Variants in ROBO2 observed in about 807,000 individuals in gnomAD.
The protein encoded by ROBO2 is roundabout homolog 2.
A neutral mutation model predicts 160.8 loss-of-function variants in ROBO2; 53 were observed. That is an observed-to-expected ratio of 0.33 (90% CI 0.26 to 0.41). ROBO2 has a LOEUF of 0.41. Ranked by LOEUF, ROBO2 falls within the 10% of genes least tolerant of loss-of-function variation. ROBO2 has a pLI of 1.00. For synonymous variants in ROBO2, 664 were observed against 611.7 expected (o/e 1.09, Z -1.26); for missense variants, 1,577 against 1,722.4 (o/e 0.92, Z 1.49).
At position 77,426,415 on chromosome 3, in the gene ROBO2, G is replaced by A. The variant is rs553427962; in HGVS notation, c.389-50999G>A. Among the ~76,000 whole-genome samples the A allele has an allele frequency of 1.2e-3, 181 of 152,162 alleles. 3 individuals carry two copies. Among genetic ancestry groups the A allele is most frequent in the African/African-American group, 4.2e-3 (173 of 41,498 alleles). On this transcript the variant is annotated intron_variant, in intron 2 of 25. Transcript: ENST00000461745. The stretch of plus-strand genomic sequence containing the variant: ...TCTGAATTGGAGATACCTGATTGTC[G>A]TGAAGGTTAAGATGCTTCAGAGTGT...
chr3:76,342,618 A>G (rs190929503), intron 2 of ROBO2, among the ~76,000 whole-genome samples: 13 of 152,242 alleles, frequency 8.5e-5, no homozygotes, highest in Non-Finnish European at 1.0e-4. Context: ...TTCAACCTGT[A>G]TATATCCTTA....
At chr3:76,100,360 A>T (rs189166647) in intron 2 of ROBO2, among the ~76,000 whole-genome samples, 1 of 152,206 alleles carries the variant, frequency 6.6e-6, no homozygotes, top group African/African-American at 2.4e-5. Flanking sequence ...ACCAATGTCT[A>T]TGTGGAACTA....
At chr3:76,008,724 A>G (rs2066103962) in intron 2 of ROBO2, among the ~76,000 whole-genome samples, 1 of 87,082 alleles carries the variant, frequency 1.1e-5, no homozygotes, top group African/African-American at 3.0e-5. Flanking sequence ...TTGTTAGTTT[A>G]GGGTAGAAGG....
At chr3:76,825,197 G>A (rs534514019) in intron 2 of ROBO2, among the ~76,000 whole-genome samples, 149 of 152,252 alleles carry the variant, frequency 9.8e-4, no homozygotes, top group African/African-American at 3.5e-3. Flanking sequence ...AGCTGGCAAA[G>A]GAGATGTGTT....
At chr3:76,661,342 T>A (rs1286995758) in intron 2 of ROBO2, among the ~76,000 whole-genome samples, 1 of 151,972 alleles carries the variant, frequency 6.6e-6, no homozygotes, top group African/African-American at 2.4e-5. Flanking sequence ...GAAAACAGAG[T>A]ATATAATGTT....
intron 2 of ROBO2, among the ~76,000 whole-genome samples, chr3:76,792,560 C>T (rs1024391340): frequency 1.3e-5 from 2 of 151,534 alleles, no homozygotes; most frequent in South Asian, 2.1e-4. Flanking sequence ...AAAGGTAATT[C>T]TACTTCTTAA....
At chr3:77,310,253 C>T (rs1242593462) in intron 2 of ROBO2, among the ~76,000 whole-genome samples, 1 of 151,994 alleles carries the variant, frequency 6.6e-6, no homozygotes, top group Non-Finnish European at 1.5e-5. Flanking sequence ...AAAATTTAGT[C>T]CCTATTTGTA....
intron 2 of ROBO2, among the ~76,000 whole-genome samples, chr3:76,912,732 C>T (rs557150967): frequency 6.6e-6 from 1 of 152,136 alleles, no homozygotes; most frequent in East Asian, 1.9e-4. Context: ...ATAAAATTTC[C>T]GTTTCACTAA....
chr3:76,828,910 T>G (rs1209371029), intron 2 of ROBO2, among the ~76,000 whole-genome samples: 1 of 152,080 alleles, frequency 6.6e-6, no homozygotes, highest in Admixed American at 6.6e-5. Flanking sequence ...GAGAGCTATC[T>G]TTTCCTCTGG....
intron 2 of ROBO2, among the ~76,000 whole-genome samples, chr3:77,106,673 A>G (rs13322517): frequency 0.25 from 38,044 of 152,112 alleles, 5,024 homozygotes; most frequent in African/African-American, 0.3. Flanking sequence ...CTAACAGTCT[A>G]TGATTTAGCT....
intron 2 of ROBO2, among the ~76,000 whole-genome samples, chr3:77,249,228 C>T (rs540088415): frequency 2.6e-5 from 4 of 152,280 alleles, no homozygotes; most frequent in African/African-American, 9.6e-5. Flanking sequence ...AACAGAAAAA[C>T]CTCTGCTGAA....
At chr3:77,504,416 C>CAAA (rs60117495) in intron 5 of ROBO2, among the ~76,000 whole-genome samples, 12 of 142,698 alleles carry the variant, frequency 8.4e-5, no homozygotes, top group African/African-American at 3.1e-4. Context: ...CAGTGCTTCT[C>CAAA]AAAAAAAAAA....
At chr3:77,035,768 A>C (rs1233741781), upstream of ROBO2, among the ~76,000 whole-genome samples, 1 of 151,830 alleles carries the variant, frequency 6.6e-6, no homozygotes, top group Non-Finnish European at 1.5e-5. Flanking sequence ...ATAAAGAAAA[A>C]ATCATGTAGG....
At chr3:77,304,142 G>A (rs1485220812) in intron 2 of ROBO2, among the ~76,000 whole-genome samples, 2 of 152,160 alleles carry the variant, frequency 1.3e-5, no homozygotes, top group East Asian at 1.9e-4. Context: ...GATTTAGGGT[G>A]ATGAGAAGAT....
At position 76,424,076 on chromosome 3, in the gene ROBO2, C is replaced by T. The variant is rs144176262; in HGVS notation, c.109+486474C>T. On this transcript the variant is annotated intron_variant, in intron 2 of 26. Coordinates refer to the ROBO2 transcript ENST00000487694. The stretch of plus-strand genomic sequence containing the variant: ...AAGATTACATTTCTATTTTCACTAT[C>T]TTTAATATTTAGCACTTCTTTTACT... 3.8e-4 allele frequency among the ~76,000 whole-genome samples: 58 copies of T among 152,288 alleles called. 1 individual carries two copies. Among genetic ancestry groups the T allele is most frequent in the Middle Eastern group, 3.4e-3 (1 of 294 alleles).
intron 18 of ROBO2, 56 bp downstream of exon 19, chr3:77,595,240 A>G (rs1583173834): frequency 7.6e-7 from 1 of 1,307,250 alleles, no homozygotes; most frequent in South Asian, 1.2e-5. Flanking sequence ...GACTGGGGAA[A>G]CTCTATAGTA....
chr3:76,012,446 T>C (rs1473692536), intron 2 of ROBO2, among the ~76,000 whole-genome samples: 2 of 152,214 alleles, frequency 1.3e-5, no homozygotes, highest in African/African-American at 4.8e-5. Context: ...TGAGATAAAA[T>C]ATACAAATAT....
chr3:76,156,669 A>G (rs928347325), intron 2 of ROBO2, among the ~76,000 whole-genome samples: 2 of 152,172 alleles, frequency 1.3e-5, no homozygotes, highest in Non-Finnish European at 2.9e-5. Flanking sequence ...GAATTAACGA[A>G]CTTTAGAAGA....
At chr3:76,492,695 AC>A (rs1403662244) in intron 2 of ROBO2, among the ~76,000 whole-genome samples, 4 of 152,140 alleles carry the variant, frequency 2.6e-5, no homozygotes, top group African/African-American at 9.7e-5. Flanking sequence ...TTAGCCATTA[AC>A]GACGTACTAT....
Sources: gnomAD v4.1 joint callset for allele counts (sites outside exome capture counted in the v4.1 genomes callset) on GRCh38, gnomAD v4.1.1 for gene constraint, MANE v1.5 for transcripts, NCBI Gene and HGNC (gene_info 2026-07-23, HGNC 2026-07-21) for gene names.